Variants in CADM3 observed in about 807,000 individuals in gnomAD.
CADM3 encodes the protein TSLC1-like 1.
In CADM3, 11 loss-of-function variants were observed where a neutral mutation model predicts 44.9. That is an observed-to-expected ratio of 0.25 (90% confidence interval 0.15 to 0.41). CADM3 has a LOEUF of 0.41. Among genes scored for constraint, CADM3 ranks in the 10% least tolerant of loss-of-function variants. The pLI, the probability that CADM3 is intolerant of heterozygous loss-of-function variation, is 1.00. For missense variants in CADM3, 426 were observed against 512.0 expected, an observed-to-expected ratio of 0.83 and a Z score of 1.62; for synonymous variants, 207 against 205.2, an observed-to-expected ratio of 1.01 and a Z score of -0.08.
chr1:159,176,211 G>T (rs1649010495), intron 1 of CADM3, among the ~76,000 whole-genome samples: 1 of 152,146 alleles, frequency 6.6e-6, no homozygotes, highest in Non-Finnish European at 1.5e-5. Context: ...GCTACTTACT[G>T]ACTACTGAGT....
intron 1 of CADM3, among the ~76,000 whole-genome samples, chr1:159,179,076 G>C (rs1557929917): frequency 6.6e-6 from 1 of 152,162 alleles, no homozygotes; most frequent in South Asian, 2.1e-4. Context: ...TAGGGTTATA[G>C]TAACAGCTGG....
chr1:159,185,994 G>T (rs116765814), intron 1 of CADM3, among the ~76,000 whole-genome samples: 1 of 152,210 alleles, frequency 6.6e-6, no homozygotes, highest in Non-Finnish European at 1.5e-5. Context: ...ACTCAGAGAA[G>T]TGGGGAATTA....
At chr1:159,200,286 C>A (rs909807914) in intron 8 of CADM3, among the ~76,000 whole-genome samples, 1 of 152,118 alleles carries the variant, frequency 6.6e-6, no homozygotes, top group African/African-American at 2.4e-5. Context: ...TCTTTCCTCT[C>A]CCCCTTTTCT....
intron 1 of CADM3, chr1:159,189,752 A>T: frequency 1.9e-6 from 3 of 1,572,992 alleles, no homozygotes; most frequent in East Asian, 2.3e-5. Flanking sequence ...CTCATGCTTG[A>T]TGGAGATTCT....
chr1:159,179,364 T>TA (rs1264720676), intron 1 of CADM3, among the ~76,000 whole-genome samples: 3 of 152,216 alleles, frequency 2.0e-5, no homozygotes, highest in African/African-American at 7.2e-5. Context: ...CAGCTAGACT[T>TA]ACACTAACTG....
chr1:159,174,862 T>C (rs1476676946), intron 1 of CADM3, among the ~76,000 whole-genome samples: 1 of 152,206 alleles, frequency 6.6e-6, no homozygotes, highest in Non-Finnish European at 1.5e-5. Context: ...CCAGCTTTCT[T>C]GGGCTCTTCC....
At chr1:159,186,818 G>T (rs997143110) in intron 1 of CADM3, among the ~76,000 whole-genome samples, 2 of 150,840 alleles carry the variant, frequency 1.3e-5, no homozygotes, top group Admixed American at 6.6e-5. Flanking sequence ...CCTGGGGGAA[G>T]AAAAAAAAAG....
intron 3 of CADM3, 130 bp downstream of exon 3, chr1:159,192,860 C>G (rs1649731652): frequency 1.2e-6 from 1 of 864,512 alleles, no homozygotes; most frequent in Non-Finnish European, 1.8e-6. Flanking sequence ...CCTGTGTTCC[C>G]CTGGCAATGG....
chr1:159,185,332 T>C (rs753639610), intron 1 of CADM3, among the ~76,000 whole-genome samples: 4 of 152,174 alleles, frequency 2.6e-5, no homozygotes, highest in Non-Finnish European at 5.9e-5. Context: ...GTAAATATTG[T>C]TTAGGTGAGT....
In CADM3 at chr1:159,171,657, G is replaced by C; in HGVS notation, c.-109G>C. ...CACCTCGGCCCCGGGCTCCGAAGCG[G>C]CTCGGGGGCGCCCTTTCGGTCAACA... On this transcript the variant is annotated 5_prime_UTR_variant, in exon 1 of 9. Coordinates refer to ENST00000368125, the MANE Select transcript of CADM3 (RefSeq NM_001127173.3). 2.5e-6 allele frequency: 2 copies of C among 814,654 alleles called. No homozygotes were observed. Among genetic ancestry groups the C allele is most frequent in the Non-Finnish European group, 3.3e-6 (2 of 607,750 alleles). 50.5% of individuals were successfully genotyped at this position (814,654 alleles called of 1,614,324 possible). A position where few individuals can be genotyped will look rare whatever the true frequency, so the allele number is the denominator to read the frequency against.
intron 7 of CADM3, 99 bp from the exon 8 acceptor site, chr1:159,199,652 C>A: frequency 6.6e-7 from 1 of 1,509,434 alleles, no homozygotes. Context: ...GATGTTAGTA[C>A]CTGTTCCCTG....
In CADM3 at chr1:159,200,962, G is replaced by T; in HGVS notation, c.*40G>T. On this transcript the variant is annotated 3_prime_UTR_variant, in exon 9 of 9. Coordinates refer to ENST00000368125, the MANE Select transcript of CADM3 (RefSeq NM_001127173.3). ...TTCCTGCGCCCCCCAGGGGCCCTGT[G>T]GGGACTGCTGGGGCCGTCACCAACC... The T allele has an allele frequency of 6.9e-7, 1 of 1,453,814 alleles. No individual in the cohort carries two copies. The highest frequency in any genetic ancestry group is 1.3e-5 in the South Asian group (1 of 76,378). 90.1% of individuals were successfully genotyped at this position (1,453,814 alleles called of 1,614,324 possible).
At chr1:159,174,601 T>C (rs761637702) in intron 1 of CADM3, among the ~76,000 whole-genome samples, 173 of 152,324 alleles carry the variant, frequency 1.1e-3, no homozygotes, top group Non-Finnish European at 1.5e-3. Context: ...GAGCACAGCA[T>C]AAATTTTTTA....
intron 1 of CADM3, among the ~76,000 whole-genome samples, chr1:159,189,515 C>A (rs1175049985): frequency 6.6e-6 from 1 of 152,204 alleles, no homozygotes; most frequent in Non-Finnish European, 1.5e-5. Context: ...ATCTCTTTGG[C>A]ACTAACATTC....
intron 2 of CADM3, among the ~76,000 whole-genome samples, chr1:159,192,328 T>C (rs1265696627): frequency 1.3e-5 from 2 of 152,158 alleles, no homozygotes; most frequent in African/African-American, 4.8e-5. Flanking sequence ...CTGAAGTCAG[T>C]GTTGCCCTAG....
chr1:159,171,934 A>C (rs1648826397), intron 1 of CADM3, 81 bp downstream of exon 1: 1 of 963,680 alleles, frequency 1.0e-6, no homozygotes, highest in South Asian at 5.3e-5. Flanking sequence ...TCGCGGAAGG[A>C]GCCTGTTGGC....
At chr1:159,195,332 A>G (rs1649842839) in intron 5 of CADM3, 2 of 152,238 alleles carry the variant, frequency 1.3e-5, no homozygotes, top group Non-Finnish European at 2.9e-5. Flanking sequence ...AAAGTTCTAT[A>G]TTCCTATAAG....
chr1:159,200,224 TC>T (rs1435365568), intron 8 of CADM3, among the ~76,000 whole-genome samples: 1 of 152,160 alleles, frequency 6.6e-6, no homozygotes, highest in African/African-American at 2.4e-5. Flanking sequence ...TGCGCTTTCT[TC>T]CTTTCTGTCT....
In CADM3 at chr1:159,199,789, G is replaced by A. The variant is rs142955742; in HGVS notation, c.991G>A (p.Ala331Thr). The A allele has an allele frequency of 1.4e-5, 23 of 1,613,986 alleles. No homozygotes were observed. The highest frequency in any genetic ancestry group is 2.7e-5 in the African/African-American group (2 of 74,964). The change falls in exon 8 of 9, where the codon GCC (alanine) becomes ACC (threonine). Residue 331 changes from alanine to threonine, a missense_variant. Transcript: ENST00000368125. The stretch of plus-strand genomic sequence containing the variant: ...GCCCTCCTCCTCCAGCACCTACCAC[G>A]CCATCATCGGTGGGATCGTGGCTTT... ...PVPSSSSTYH[A>T]IIGGIVAFIV... is the part of the protein sequence containing the mutation.
Sources: allele counts gnomAD v4.1 joint callset (sites outside exome capture counted in the v4.1 genomes callset), GRCh38; gene constraint gnomAD v4.1.1; transcripts MANE v1.5; gene names NCBI Gene and HGNC (gene_info 2026-07-23, HGNC 2026-07-21).